Variants in PRR3 observed in about 807,000 individuals in gnomAD.
PRR3 encodes the protein proline-rich protein 3.
PRR3 carries 16 observed loss-of-function variants against 22.4 expected under a neutral mutation model. The ratio of observed to expected loss-of-function variants is 0.71; its 90% CI spans 0.48 to 1.09. PRR3 has a LOEUF of 1.09. PRR3 is among the 50% of genes least tolerant of loss of function. The pLI, the probability that PRR3 is intolerant of heterozygous loss-of-function variation, is 0.00. For synonymous variants in PRR3, 87 were observed against 88.6 expected, an observed-to-expected ratio of 0.98 and a Z score of 0.10; for missense variants, 224 against 243.4, an observed-to-expected ratio of 0.92 and a Z score of 0.53.
rs759390889 is a variant in PRR3 at position 30,561,300 on chromosome 6, A to C, written c.170-534A>C. 1.3e-5 allele frequency: 6 copies of C among 454,552 alleles called. No individual in the cohort carries two copies. Among genetic ancestry groups the C allele is most frequent in the Non-Finnish European group, 4.4e-6 (1 of 226,604 alleles). The allele number at this position is 454,552 out of a possible 1,614,324, so 28.2% of individuals were successfully genotyped here. A position where few individuals can be genotyped will look rare whatever the true frequency, so the allele number is the denominator to read the frequency against. Reference sequence around the variant, plus strand: ...CGTATGTGTAACAACATGTATAAAAATGTTTATAGTGGCATTTCTCGTTAT... The same window carrying C: ...CGTATGTGTAACAACATGTATAAAACTGTTTATAGTGGCATTTCTCGTTAT... On this transcript the variant is annotated intron_variant, in intron 2 of 3. Transcript: ENST00000376560. This position sits in a 1 kb window ranked among gnomAD's most constrained non-coding sequence, Gnocchi z 4.0.
At chr6:30,559,160 G>A (rs1387678087) in intron 2 of PRR3, among the ~76,000 whole-genome samples, 2 of 152,190 alleles carry the variant, frequency 1.3e-5, no homozygotes, top group East Asian at 1.9e-4. Flanking sequence ...GGCGAATCAC[G>A]AGGTCAGCAG....
In PRR3 at chr6:30,563,087, T is replaced by TG. The variant is rs1178292568; in HGVS notation, c.*594dup. On this transcript the variant is annotated 3_prime_UTR_variant, in exon 4 of 4. Transcript: ENST00000376560. ...GTCAGTAGCATGATCCCCACCGCTA[T>TG]GGTCTATCTATGATCACCGTGCTTT... The TG allele has an allele frequency of 6.5e-6, 1 of 152,778 alleles. No homozygotes were observed. The highest frequency in any genetic ancestry group is 2.1e-4 in the South Asian group (1 of 4,830). 9.5% of individuals were successfully genotyped at this position (152,778 alleles called of 1,614,324 possible).
At chr6:30,557,237 G>C, upstream of PRR3, 1 of 836,126 alleles carries the variant, frequency 1.2e-6, no homozygotes, top group Middle Eastern at 2.2e-4. Context: ...GGAATGGCGG[G>C]AGCCTCAGCA....
intron 1 of PRR3, among the ~76,000 whole-genome samples, chr6:30,557,885 T>C (rs941565554): frequency 8.5e-5 from 13 of 152,194 alleles, no homozygotes; most frequent in African/African-American, 1.9e-4. Context: ...TTGTTTTGGA[T>C]AGCGACGGTA....
Position 30,562,623 on chromosome 6 carries a change from T to A in PRR3, c.*128T>A. ...CTCAGTCAGTGACACACCCATCCCA[T>A]CCACCACTTCCCCCGTGTGGGGTCC... is the stretch of plus-strand genomic sequence containing the variant. On this transcript the variant is annotated 3_prime_UTR_variant, in exon 4 of 4. Transcript: ENST00000376560. 1.5e-6 allele frequency: 1 copy of A among 648,604 alleles called. No individual in the cohort carries two copies. The highest frequency in any genetic ancestry group is 2.7e-5 in the Admixed American group (1 of 36,700). The allele number at this position is 648,604 out of a possible 1,614,324, so 40.2% of individuals were successfully genotyped here.
intron 2 of PRR3, 105 bp downstream of exon 2, chr6:30,558,317 TCC>T: frequency 2.2e-6 from 2 of 893,984 alleles, no homozygotes; most frequent in Non-Finnish European, 1.8e-6. Context: ...AGGGATTCCA[TCC>T]CTAAATGAAT....
Position 30,562,620 on chromosome 6 carries a change from C to A in PRR3, c.*125C>A. On this transcript the variant is annotated 3_prime_UTR_variant, in exon 4 of 4. Coordinates refer to ENST00000376560, the MANE Select transcript of PRR3 (RefSeq NM_025263.4). ...ACCCTCAGTCAGTGACACACCCATC[C>A]CATCCACCACTTCCCCCGTGTGGGG... 1.5e-6 allele frequency: 1 copy of A among 657,712 alleles called. No homozygotes were observed. Among genetic ancestry groups the A allele is most frequent in the Non-Finnish European group, 2.7e-6 (1 of 373,458 alleles). The allele number at this position is 657,712 out of a possible 1,614,324, so 40.7% of individuals were successfully genotyped here. A position where few individuals can be genotyped will look rare whatever the true frequency, so the allele number is the denominator to read the frequency against.
At chr6:30,557,182 C>G (rs1473670099), upstream of PRR3, 2 of 713,688 alleles carry the variant, frequency 2.8e-6, no homozygotes, top group Admixed American at 4.0e-5. Flanking sequence ...GCAGTTGGCT[C>G]CGGAATGCGG....
Position 30,562,111 on chromosome 6 carries a change from C to A in PRR3, c.447C>A (p.Pro149=). ...IKNTCPPKDD[P]QVMEDKSDRP... ...ATACCTGCCCGCCCAAGGATGACCC[C>A]CAGGTTATGGAAGGTGAGGTCCATT... Residue 149 remains proline, a synonymous_variant, in exon 3 of 4, where the codon CCC becomes CCA. Coordinates refer to ENST00000376560, the MANE Select transcript of PRR3 (RefSeq NM_025263.4). 1 of 1,585,050 alleles carries A rather than the reference C, an allele frequency of 6.3e-7. No homozygotes were observed. Among genetic ancestry groups the A allele is most frequent in the Non-Finnish European group, 8.6e-7 (1 of 1,167,260 alleles).
In PRR3 at chr6:30,561,536, A is replaced by T; in HGVS notation, c.170-298A>T. ...ATGATTCCATTTTTGTGAAGTTCAA[A>T]AACAGGCAAAAACTAACCTATGGTG... is the stretch of plus-strand genomic sequence containing the variant. On this transcript the variant is annotated intron_variant, in intron 2 of 3. Transcript: ENST00000376560. The surrounding 1 kb of genome is among the most constrained non-coding windows in gnomAD (Gnocchi z 4.0). 1 of 596,420 alleles carries T rather than the reference A, an allele frequency of 1.7e-6. No homozygotes were observed. Among genetic ancestry groups the T allele is most frequent in the East Asian group, 3.1e-5 (1 of 31,928 alleles). 36.9% of individuals were successfully genotyped at this position (596,420 alleles called of 1,614,324 possible).
At position 30,563,172 on chromosome 6, in the gene PRR3, C is replaced by G. The variant is rs188502980; in HGVS notation, c.*677C>G. ...TGTCCGTGGCATTTTTGTGACTTCC[C>G]AGCACTAGAATAAGTTTTCCTGCCA... On this transcript the variant is annotated 3_prime_UTR_variant, in exon 4 of 4. Transcript: ENST00000376560. 1 of 152,582 alleles carries G rather than the reference C, an allele frequency of 6.6e-6. No homozygotes were observed. 9.5% of individuals were successfully genotyped at this position (152,582 alleles called of 1,614,324 possible).
Position 30,561,903 on chromosome 6 carries a change from C to T in PRR3, c.239C>T (p.Pro80Leu). The change falls in exon 3 of 4, where the codon CCT becomes CTT. Residue 80 changes from proline to leucine, a missense_variant. Coordinates refer to ENST00000376560, the MANE Select transcript of PRR3 (RefSeq NM_025263.4). The surrounding 1 kb of genome is among the most constrained non-coding windows in gnomAD (Gnocchi z 4.0). ...IPPLLSLPPP[P>L]WGRGPIRRGL... ...CCACTGCTGAGTCTCCCACCTCCTC[C>T]TTGGGGTAGAGGCCCAATTCGGAGA... 1.2e-6 allele frequency: 2 copies of T among 1,611,524 alleles called. No individual in the cohort carries two copies. Among genetic ancestry groups the T allele is most frequent in the South Asian group, 2.2e-5 (2 of 90,790 alleles).
At position 30,563,558 on chromosome 6, in the gene PRR3, C is replaced by T. The variant is rs1476567675; in HGVS notation, c.*1063C>T. ...TGTTTTCTGTGAAAACAGCAGTGAA[C>T]AGGTTCAGTTTTGAACTGGCCCTGA... is the stretch of plus-strand genomic sequence containing the variant. On this transcript the variant is annotated 3_prime_UTR_variant, in exon 4 of 4. Coordinates refer to ENST00000376560, the MANE Select transcript of PRR3 (RefSeq NM_025263.4). The T allele has an allele frequency of 6.6e-6, 1 of 152,260 alleles. No homozygotes were observed. Among genetic ancestry groups the T allele is most frequent in the African/African-American group, 2.4e-5 (1 of 41,298 alleles). The allele number at this position is 152,260 out of a possible 1,614,324, so 9.4% of individuals were successfully genotyped here.
At chr6:30,558,563 G>T (rs1428845207) in intron 2 of PRR3, 1 of 277,454 alleles carries the variant, frequency 3.6e-6, no homozygotes, top group Non-Finnish European at 7.0e-6. Flanking sequence ...GGTGGCACAC[G>T]CCTGTAGTCC....
chr6:30,558,487 C>T (rs759928370), intron 2 of PRR3: 53 of 455,974 alleles, frequency 1.2e-4, no homozygotes, highest in Non-Finnish European at 2.0e-4. Flanking sequence ...AATATCAAGG[C>T]GACTATCAAG....
upstream of PRR3, chr6:30,556,962 C>G (rs1169979479): frequency 3.2e-6 from 2 of 632,764 alleles, no homozygotes; most frequent in Non-Finnish European, 5.7e-6. The surrounding 1 kb of genome is among the most constrained non-coding windows in gnomAD (Gnocchi z 5.7). Flanking sequence ...CCATAGTAAC[C>G]GAGGACCGGA....
chr6:30,557,976 C>G (rs1800371514), intron 1 of PRR3, among the ~76,000 whole-genome samples, 174 bp from the exon 2 acceptor site: 1 of 152,200 alleles, frequency 6.6e-6, no homozygotes, highest in Non-Finnish European at 1.5e-5. Flanking sequence ...AACCCTGAAA[C>G]AGCTTTGCAG....
chr6:30,558,422 G>T (rs1196008571), intron 2 of PRR3: 1 of 569,590 alleles, frequency 1.8e-6, no homozygotes, highest in Admixed American at 3.0e-5. Flanking sequence ...TGCATTCCAA[G>T]TCAGAACACC....
At position 30,557,400 on chromosome 6, in the gene PRR3, C is replaced by A. The variant is rs760507186; in HGVS notation, c.56C>A (p.Pro19Gln). The A allele has an allele frequency of 6.2e-7, 1 of 1,612,724 alleles. No homozygotes were observed. The highest frequency in any genetic ancestry group is 1.1e-5 in the South Asian group (1 of 91,054). ...CAGCCACCGACACAGCAGCAGCCCCCGCTGCCCGAGCGGGAAGAGACTGGA... is the reference window on the plus strand; with the variant it reads ...CAGCCACCGACACAGCAGCAGCCCCAGCTGCCCGAGCGGGAAGAGACTGGA... The part of the protein sequence containing the change: ...HHQPPTQQQP[P>Q]LPEREETGDE... The change falls in exon 1 of 4, where the codon CCG becomes CAG. Residue 19 changes from proline (P) to glutamine (Q), a missense_variant. Coordinates refer to ENST00000376560, the MANE Select transcript of PRR3 (RefSeq NM_025263.4).
Sources: gnomAD v4.1 joint callset for allele counts (sites outside exome capture counted in the v4.1 genomes callset) on GRCh38, gnomAD v4.1.1 for gene constraint, Gnocchi (gnomAD v3.1) non-coding constraint, MANE v1.5 for transcripts, NCBI Gene and HGNC (gene_info 2026-07-23, HGNC 2026-07-21) for gene names.